The following TSNARE1 variants were observed in gnomAD, a reference collection of about 807,000 sequenced individuals.
TSNARE1 encodes the protein t-SNARE domain-containing protein 1.
Under a neutral mutation model 62.0 loss-of-function variants are expected in TSNARE1, and 49 were observed. The observed-to-expected ratio is 0.79, with a 90% CI of 0.63 to 1.00. The LOEUF is 1.00. Among genes scored for constraint, TSNARE1 ranks in the 50% least tolerant of loss-of-function variants. The pLI, the probability that TSNARE1 is intolerant of heterozygous loss-of-function variation, is 0.00. For missense variants in TSNARE1, 755 were observed against 700.1 expected, an observed-to-expected ratio of 1.08 and a Z score of -0.88; for synonymous variants, 328 against 294.4, an observed-to-expected ratio of 1.11 and a Z score of -1.17.
At chr8:142,295,161 A>G (rs989843883) in intron 10 of TSNARE1, among the ~76,000 whole-genome samples, 1 of 152,076 alleles carries the variant, frequency 6.6e-6, no homozygotes, top group Non-Finnish European at 1.5e-5. Flanking sequence ...CACCCGAGCA[A>G]CCCATAAGCA....
chr8:142,363,055 C>T (rs1835278514), intron 1 of TSNARE1, among the ~76,000 whole-genome samples: 1 of 152,188 alleles, frequency 6.6e-6, no homozygotes. Context: ...CCACAGCCAC[C>T]ATGCTACACT....
In TSNARE1 at chr8:142,293,632, T is replaced by C. The variant is rs1824186298; in HGVS notation, c.1290+6854A>G. Among the ~76,000 whole-genome samples, 11 of 152,308 alleles carry C rather than the reference T, an allele frequency of 7.2e-5. 1 individual carries two copies. In the South Asian group the frequency reaches 2.3e-3, roughly 32 times the overall value. Reference sequence around the variant, plus strand: ...TAGAAGACACCTGAGGCCTGCAGGCTTCCCTCCGCAGGGGACAAGGAAGCT... The same window carrying C: ...TAGAAGACACCTGAGGCCTGCAGGCCTCCCTCCGCAGGGGACAAGGAAGCT... On this transcript the variant is annotated intron_variant, in intron 10 of 13. Coordinates refer to ENST00000524325, the MANE Select transcript of TSNARE1 (RefSeq NM_145003.5).
chr8:142,392,710 G>A (rs564750766), intron 1 of TSNARE1, among the ~76,000 whole-genome samples: 16 of 152,280 alleles, frequency 1.1e-4, no homozygotes, highest in Middle Eastern at 3.4e-3. Context: ...CGAGGTGGGC[G>A]GATCACCTGA....
At chr8:142,329,416 C>A (rs917862109) in intron 6 of TSNARE1, among the ~76,000 whole-genome samples, 2 of 152,226 alleles carry the variant, frequency 1.3e-5, no homozygotes, top group Non-Finnish European at 2.9e-5. Context: ...GCCCAGGATG[C>A]GCACATGAGG....
intron 1 of TSNARE1, among the ~76,000 whole-genome samples, chr8:142,358,955 C>A (rs1278041791): frequency 6.6e-6 from 1 of 152,080 alleles, no homozygotes; most frequent in Non-Finnish European, 1.5e-5. Flanking sequence ...GTGCCCACAC[C>A]GGCACCCAAG....
At chr8:142,252,166 A>C (rs1818210183) in intron 12 of TSNARE1, among the ~76,000 whole-genome samples, 1 of 152,176 alleles carries the variant, frequency 6.6e-6, no homozygotes, top group South Asian at 2.1e-4. Flanking sequence ...ACGTTGAGAG[A>C]GAGCTTGTTT....
At position 142,385,388 on chromosome 8, in the gene TSNARE1, C is replaced by T. The variant is rs77029546; in HGVS notation, c.-40+17716G>A. Among the ~76,000 whole-genome samples the T allele has an allele frequency of 7.3e-3, 1,108 of 152,316 alleles. 21 individuals are homozygous for T. In the East Asian group the frequency reaches 0.095, roughly 13 times the overall value. On this transcript the variant is annotated intron_variant, in intron 1 of 13. Coordinates refer to ENST00000524325, the MANE Select transcript of TSNARE1 (RefSeq NM_145003.5). The stretch of plus-strand genomic sequence containing the variant: ...AAAACAAACCTCAGCCAATCAAAAG[C>T]TGACAGAGGAGATGCCGTCAAAACG...
intron 11 of TSNARE1, chr8:142,275,157 C>A: frequency 1.0e-6 from 1 of 984,334 alleles, no homozygotes; most frequent in Non-Finnish European, 1.2e-6. Context: ...GAGTGGCAGG[C>A]GGAGGTGAGG....
intron 12 of TSNARE1, among the ~76,000 whole-genome samples, chr8:142,239,536 A>G (rs1817588513): frequency 6.6e-6 from 1 of 152,270 alleles, no homozygotes; most frequent in Admixed American, 6.5e-5. Context: ...ATTGAAATAA[A>G]GTGTAGAAGA....
At chr8:142,243,983 C>G (rs181031278) in intron 12 of TSNARE1, among the ~76,000 whole-genome samples, 63 of 152,028 alleles carry the variant, frequency 4.1e-4, no homozygotes, top group African/African-American at 1.4e-3. Context: ...GTCAGGAGAT[C>G]GAGACCATCT....
At chr8:142,258,455 C>G (rs1640768172) in intron 12 of TSNARE1, among the ~76,000 whole-genome samples, 2 of 151,244 alleles carry the variant, frequency 1.3e-5, no homozygotes, top group South Asian at 2.1e-4. Flanking sequence ...CAGTTGGGAC[C>G]CAGTCAGCTG....
chr8:142,308,739 G>A (rs1228580650), intron 9 of TSNARE1, among the ~76,000 whole-genome samples: 1 of 152,106 alleles, frequency 6.6e-6, no homozygotes, highest in Non-Finnish European at 1.5e-5. Flanking sequence ...TTGCTATCTT[G>A]GGTCTTTCAT....
chr8:142,231,173 G>C (rs1287266035), intron 12 of TSNARE1, among the ~76,000 whole-genome samples: 2 of 152,216 alleles, frequency 1.3e-5, no homozygotes, highest in African/African-American at 4.8e-5. Context: ...TGCACCTTAA[G>C]AGGGACCCAC....
chr8:142,298,595 T>C (rs1207981036), intron 10 of TSNARE1, among the ~76,000 whole-genome samples: 2 of 152,266 alleles, frequency 1.3e-5, no homozygotes, highest in African/African-American at 4.8e-5. Flanking sequence ...GACGCTGCCC[T>C]CTAACGGCCT....
intron 4 of TSNARE1, among the ~76,000 whole-genome samples, chr8:142,335,023 T>C (rs1831555584): frequency 6.6e-6 from 1 of 152,230 alleles, no homozygotes; most frequent in African/African-American, 2.4e-5. Context: ...AGAAAAAAGA[T>C]ACGTTCATTT....
chr8:142,307,647 C>G (rs946592462), intron 9 of TSNARE1, among the ~76,000 whole-genome samples: 7 of 152,206 alleles, frequency 4.6e-5, no homozygotes, highest in African/African-American at 1.7e-4. Flanking sequence ...ATGTTCAGAA[C>G]AGCTGCCATC....
intron 12 of TSNARE1, among the ~76,000 whole-genome samples, chr8:142,257,665 C>A (rs1818651476): frequency 6.6e-6 from 1 of 152,120 alleles, no homozygotes; most frequent in African/African-American, 2.4e-5. Flanking sequence ...ACTCCAGGGG[C>A]CTGATAGGCA....
chr8:142,391,997 G>T (rs1241369438), intron 1 of TSNARE1, among the ~76,000 whole-genome samples: 1 of 152,248 alleles, frequency 6.6e-6, no homozygotes, highest in Admixed American at 6.5e-5. Flanking sequence ...ACCTCCTGAA[G>T]GCCCTGCCTG....
At chr8:142,248,091 C>T (rs1817979825) in intron 12 of TSNARE1, among the ~76,000 whole-genome samples, 1 of 152,110 alleles carries the variant, frequency 6.6e-6, no homozygotes, top group Non-Finnish European at 1.5e-5. Context: ...TCCCTCATGA[C>T]GGGGACCAAG....
Sources: gnomAD v4.1 joint callset for allele counts (sites outside exome capture counted in the v4.1 genomes callset) on GRCh38, gnomAD v4.1.1 for gene constraint, MANE v1.5 for transcripts, NCBI Gene and HGNC (gene_info 2026-07-23, HGNC 2026-07-21) for gene names.